PLCL1: variants seen among roughly 807,000 people sequenced by gnomAD.
The protein encoded by PLCL1 is phospholipase C like 1 (inactive).
PLCL1 carries 41 observed loss-of-function variants against 84.4 expected under a neutral mutation model. That is an observed-to-expected ratio of 0.49 (90% CI 0.38 to 0.63). The LOEUF (loss-of-function observed/expected upper bound fraction) is 0.63, where lower values mean the gene tolerates loss of function less well. Ranked by LOEUF, PLCL1 falls within the 30% of genes least tolerant of loss-of-function variation. PLCL1 has a pLI of 0.00. For synonymous variants in PLCL1, 490 were observed against 488.3 expected, an observed-to-expected ratio of 1.00 and a Z score of -0.05; for missense variants, 1,206 against 1,367.8, an observed-to-expected ratio of 0.88 and a Z score of 1.87.
At chr2:197,880,801 T>G (rs971724496) in intron 1 of PLCL1, among the ~76,000 whole-genome samples, 7 of 152,228 alleles carry the variant, frequency 4.6e-5, no homozygotes, top group Admixed American at 2.6e-4. Flanking sequence ...GTCATCATGG[T>G]CAAAAGCAAA....
chr2:198,001,333 G>A (rs529264257), intron 1 of PLCL1, among the ~76,000 whole-genome samples: 2 of 151,968 alleles, frequency 1.3e-5, no homozygotes, highest in South Asian at 4.2e-4. Flanking sequence ...TTCTATTGAG[G>A]GACAACATGC....
At chr2:197,893,975 G>C (rs549698623) in intron 1 of PLCL1, among the ~76,000 whole-genome samples, 1 of 152,002 alleles carries the variant, frequency 6.6e-6, no homozygotes, top group South Asian at 2.1e-4. Context: ...TACTTGCCAA[G>C]GTGGCTGCCC....
At chr2:198,093,720 G>T (rs1559103032) in intron 3 of PLCL1, among the ~76,000 whole-genome samples, 1 of 152,050 alleles carries the variant, frequency 6.6e-6, no homozygotes, top group Non-Finnish European at 1.5e-5. Context: ...AATATGTTTA[G>T]AATAAAAACA....
Position 198,147,669 on chromosome 2 carries a change from A to G in PLCL1, c.*707A>G, listed in dbSNP as rs1040146873. On this transcript the variant is annotated 3_prime_UTR_variant, in exon 6 of 6. Coordinates refer to ENST00000428675, the MANE Select transcript of PLCL1 (RefSeq NM_006226.4). Reference sequence around the variant, plus strand: ...AGTTTTCTGTAGTCATTTACTAAACATATGATTTCACTAGAAAAGCTGATC... The same window carrying G: ...AGTTTTCTGTAGTCATTTACTAAACGTATGATTTCACTAGAAAAGCTGATC... The G allele has an allele frequency of 6.6e-5, 10 of 152,384 alleles. No homozygotes were observed. The highest frequency in any genetic ancestry group is 6.5e-4 in the Admixed American group (10 of 15,292). The allele number at this position is 152,384 out of a possible 1,614,324, so 9.4% of individuals were successfully genotyped here. A position where few individuals can be genotyped will look rare whatever the true frequency, so the allele number is the denominator to read the frequency against.
At chr2:198,000,725 A>G (rs1690578989) in intron 1 of PLCL1, among the ~76,000 whole-genome samples, 1 of 150,234 alleles carries the variant, frequency 6.7e-6, no homozygotes, top group South Asian at 2.1e-4. Flanking sequence ...ACAACCTGCT[A>G]TCACTTTATT....
chr2:197,888,970 T>C (rs779143078), intron 1 of PLCL1, among the ~76,000 whole-genome samples: 5 of 152,202 alleles, frequency 3.3e-5, no homozygotes, highest in Non-Finnish European at 7.4e-5. Context: ...TTTTTCAAAA[T>C]GTCAGTGGAA....
chr2:197,959,378 GACCTACCC>G (rs1689563394), intron 1 of PLCL1, among the ~76,000 whole-genome samples: 1 of 151,952 alleles, frequency 6.6e-6, no homozygotes, highest in Non-Finnish European at 1.5e-5. Context: ...GATTGGATAA[GACCTACCC>G]ACATTGTGGA....
Position 198,148,277 on chromosome 2 carries a change from C to T in PLCL1, c.*1315C>T, listed in dbSNP as rs1694574512. The T allele has an allele frequency of 6.6e-6, 1 of 152,164 alleles. No homozygotes were observed. The highest frequency in any genetic ancestry group is 2.4e-5 in the African/African-American group (1 of 41,392). 9.4% of individuals were successfully genotyped at this position (152,164 alleles called of 1,614,324 possible). On this transcript the variant is annotated 3_prime_UTR_variant, in exon 6 of 6. Transcript: ENST00000428675. ...TAACAAATATGCTAATTTGGGGAAA[C>T]CTAGAGAAGATAATTGTTGAAATTT...
At chr2:197,892,218 G>C (rs1028311687) in intron 1 of PLCL1, among the ~76,000 whole-genome samples, 1 of 152,130 alleles carries the variant, frequency 6.6e-6, no homozygotes, top group East Asian at 1.9e-4. Flanking sequence ...TGAAAAATGC[G>C]GCTGGGTGCG....
intron 3 of PLCL1, among the ~76,000 whole-genome samples, chr2:198,090,555 A>G (rs1161262797): frequency 2.0e-5 from 3 of 152,198 alleles, no homozygotes; most frequent in East Asian, 3.8e-4. Flanking sequence ...AAATTTCCAC[A>G]GGGCATGTTC....
At chr2:198,093,457 A>G (rs1424163943) in intron 3 of PLCL1, among the ~76,000 whole-genome samples, 1 of 152,156 alleles carries the variant, frequency 6.6e-6, no homozygotes, top group Non-Finnish European at 1.5e-5. Flanking sequence ...ACTTCTCGTA[A>G]AAATACAGTC....
chr2:198,045,079 T>C (rs1169556571), intron 1 of PLCL1, among the ~76,000 whole-genome samples: 2 of 152,162 alleles, frequency 1.3e-5, no homozygotes, highest in Non-Finnish European at 2.9e-5. Context: ...TAAACAATGT[T>C]TTAGCTTTAT....
At chr2:198,001,446 A>C (rs1173821230) in intron 1 of PLCL1, among the ~76,000 whole-genome samples, 1 of 152,202 alleles carries the variant, frequency 6.6e-6, no homozygotes, top group Non-Finnish European at 1.5e-5. Flanking sequence ...CCTCCTAGAA[A>C]GCCCCAAGGT....
chr2:198,052,524 TG>T (rs1244691121), intron 1 of PLCL1, among the ~76,000 whole-genome samples: 1 of 149,688 alleles, frequency 6.7e-6, no homozygotes, highest in Non-Finnish European at 1.5e-5. Flanking sequence ...CTATAGAGGT[TG>T]AAAAAAAAAA....
rs368540941 is a variant in PLCL1 at position 197,925,733 on chromosome 2, ACTCC to A, written c.240+120414_240+120417del. ...AACTTTTCTCCATGCACTCACTAACACTCCCTCCCTCCCTCCCTCCCTCAGACCT... is the reference window on the plus strand; with the variant it reads ...AACTTTTCTCCATGCACTCACTAACACTCCCTCCCTCCCTCCCTCAGACCT... On this transcript the variant is annotated intron_variant, in intron 1 of 5. Coordinates refer to ENST00000428675, the MANE Select transcript of PLCL1 (RefSeq NM_006226.4). Among the ~76,000 whole-genome samples, 98 of 149,374 alleles carry A rather than the reference ACTCC, an allele frequency of 6.6e-4. 4 individuals carry two copies. In the South Asian group the frequency reaches 0.014, roughly 21 times the overall value.
chr2:198,128,373 G>A (rs1011284113), intron 5 of PLCL1, among the ~76,000 whole-genome samples: 1 of 152,192 alleles, frequency 6.6e-6, no homozygotes, highest in Middle Eastern at 3.4e-3. Context: ...GGAATCTGGA[G>A]TTTTATTATT....
At chr2:197,976,579 G>A (rs1256192123) in intron 1 of PLCL1, among the ~76,000 whole-genome samples, 2 of 152,146 alleles carry the variant, frequency 1.3e-5, no homozygotes, top group Admixed American at 6.5e-5. Context: ...CTCCTGAGTA[G>A]CTGGGATTAC....
At chr2:198,108,508 G>A (rs932494209) in intron 5 of PLCL1, among the ~76,000 whole-genome samples, 1 of 151,870 alleles carries the variant, frequency 6.6e-6, no homozygotes, top group Admixed American at 6.6e-5. Context: ...GTGGTGCAAA[G>A]GGGCATTGGC....
At chr2:197,825,055 T>C (rs998301883) in intron 1 of PLCL1, among the ~76,000 whole-genome samples, 1 of 152,156 alleles carries the variant, frequency 6.6e-6, no homozygotes, top group Non-Finnish European at 1.5e-5. Context: ...GAGGTGTCTC[T>C]GGTTTTTTGC....
Sources: allele counts gnomAD v4.1 joint callset (sites outside exome capture counted in the v4.1 genomes callset), GRCh38; gene constraint gnomAD v4.1.1; transcripts MANE v1.5; gene names NCBI Gene and HGNC (gene_info 2026-07-23, HGNC 2026-07-21).